The following AMZ2 variants were observed in gnomAD, a reference collection of about 807,000 sequenced individuals.
The protein encoded by AMZ2 is archaemetzincin-2.
AMZ2 carries 26 observed loss-of-function variants against 36.7 expected under a neutral mutation model. The observed-to-expected ratio is 0.71, with a 90% CI of 0.52 to 0.98. AMZ2 has a LOEUF of 0.98. AMZ2 is among the 50% of genes least tolerant of loss of function. The probability of loss-of-function intolerance (pLI) is 0.00; values close to 1 mark genes in which losing one functional copy is unlikely to be tolerated. For missense variants in AMZ2, 394 were observed against 430.5 expected (o/e 0.92, Z 0.75); for synonymous variants, 144 against 149.1 (o/e 0.97, Z 0.25).
chr17:68,215,160 ACTG>A (rs1305119514), intron 1 of AMZ2, among the ~76,000 whole-genome samples: 1 of 152,196 alleles, frequency 6.6e-6, no homozygotes, highest in East Asian at 1.9e-4. Flanking sequence ...TAACCCAGAA[ACTG>A]CTAAGAGAAA....
intron 1 of AMZ2, among the ~76,000 whole-genome samples, chr17:68,219,199 T>C (rs2073281021): frequency 6.6e-6 from 1 of 152,174 alleles, no homozygotes; most frequent in Non-Finnish European, 1.5e-5. Context: ...ACGCCTGACC[T>C]TGTAATCCGC....
chr17:68,246,422 G>C (rs535631704), upstream of AMZ2, among the ~76,000 whole-genome samples: 1 of 152,046 alleles, frequency 6.6e-6, no homozygotes, highest in African/African-American at 2.4e-5. Context: ...TACAAAAGAG[G>C]TCAAGTAGTT....
intron 1 of AMZ2, among the ~76,000 whole-genome samples, chr17:68,216,300 A>AT (rs1196873291): frequency 2.6e-5 from 4 of 151,728 alleles, no homozygotes; most frequent in African/African-American, 9.7e-5. Context: ...CGCCCAGCTG[A>AT]TTTTTTTATT....
At chr17:68,229,912 T>C (rs1263496636) in intron 1 of AMZ2, among the ~76,000 whole-genome samples, 1 of 152,176 alleles carries the variant, frequency 6.6e-6, no homozygotes, top group African/African-American at 2.4e-5. Context: ...CCTCTCACTC[T>C]CCACGTGGCC....
intron 1 of AMZ2, among the ~76,000 whole-genome samples, chr17:68,216,062 T>G (rs1316269444): frequency 1.3e-5 from 2 of 152,202 alleles, no homozygotes; most frequent in Non-Finnish European, 2.9e-5. Flanking sequence ...GTCCTAAGCA[T>G]TTTATGTATT....
chr17:68,232,663 C>T (rs1231537164), intron 1 of AMZ2, among the ~76,000 whole-genome samples: 2 of 151,644 alleles, frequency 1.3e-5, no homozygotes, highest in African/African-American at 4.8e-5. Context: ...GCCAACATGG[C>T]GAAACCCCAT....
chr17:68,238,628 ACT>A (rs1187007778), intron 1 of AMZ2, among the ~76,000 whole-genome samples: 1 of 151,820 alleles, frequency 6.6e-6, no homozygotes, highest in East Asian at 1.9e-4. Context: ...GCTTTTGGAA[ACT>A]CTCTGAGGCA....
At chr17:68,255,000 T>A (rs1555741988) in intron 5 of AMZ2, among the ~76,000 whole-genome samples, 1 of 152,188 alleles carries the variant, frequency 6.6e-6, no homozygotes, top group Non-Finnish European at 1.5e-5. Flanking sequence ...GTTCCTGATA[T>A]CCCCAACTCG....
intron 1 of AMZ2, among the ~76,000 whole-genome samples, chr17:68,223,134 T>C (rs2073411779): frequency 6.6e-6 from 1 of 152,228 alleles, no homozygotes; most frequent in Non-Finnish European, 1.5e-5. Flanking sequence ...TCCGTTATTC[T>C]AAGGTGTTCA....
At chr17:68,207,390 GCAA>G (rs1334790148) in intron 1 of AMZ2, 1 of 144,466 alleles carries the variant, frequency 6.9e-6, no homozygotes, top group Admixed American at 7.2e-5. Flanking sequence ...CGTAACCGAA[GCAA>G]CAACCGGCAA....
intron 1 of AMZ2, among the ~76,000 whole-genome samples, chr17:68,215,106 T>G (rs2144506562): frequency 6.6e-6 from 1 of 152,284 alleles, no homozygotes; most frequent in Non-Finnish European, 1.5e-5. Context: ...TTTAGTATGG[T>G]TTTAAGAAGG....
Position 68,254,349 on chromosome 17 carries a change from GTCT to G in AMZ2, c.587-53_587-51del. The G allele has an allele frequency of 3.9e-6, 6 of 1,541,174 alleles. No homozygotes were observed. In the South Asian group the frequency reaches 6.2e-5, roughly 16 times the overall value. On this transcript the variant is annotated intron_variant, in intron 4 of 6. Transcript: ENST00000359904. The stretch of plus-strand genomic sequence containing the variant: ...GGGCCAGCAGTCTCTTCTTTCTTTG[GTCT>G]TTCTTCAGGGACCTTACTCTCATTC...
intron 1 of AMZ2, among the ~76,000 whole-genome samples, chr17:68,233,390 T>C (rs1293636163): frequency 6.6e-6 from 1 of 151,362 alleles, no homozygotes; most frequent in Non-Finnish European, 1.5e-5. Context: ...GCATTTGTAA[T>C]CCCAGCTACT....
chr17:68,252,292 T>C (rs1599424351), intron 4 of AMZ2, among the ~76,000 whole-genome samples: 1 of 152,322 alleles, frequency 6.6e-6, no homozygotes, highest in Non-Finnish European at 1.5e-5. Flanking sequence ...GCTGTAGGGT[T>C]ATAGAGCCTC....
chr17:68,255,946 A>G, intron 6 of AMZ2, 70 bp downstream of exon 6: 2 of 1,482,786 alleles, frequency 1.3e-6, no homozygotes, highest in Non-Finnish European at 1.8e-6. Flanking sequence ...TGTTTCTATT[A>G]TATCCTTCTC....
At chr17:68,207,150 G>C (rs1292809675) in intron 1 of AMZ2, 1 of 152,198 alleles carries the variant, frequency 6.6e-6, no homozygotes, top group Admixed American at 6.5e-5. Context: ...AAGTCACACA[G>C]CATCATTATC....
At chr17:68,255,934 C>T (rs148756044) in intron 6 of AMZ2, 58 bp downstream of exon 6, 2 of 1,547,196 alleles carry the variant, frequency 1.3e-6, no homozygotes, top group East Asian at 2.3e-5. Flanking sequence ...GTAGCAAACC[C>T]ATGTTTCTAT....
chr17:68,212,066 A>C (rs1463232242), intron 1 of AMZ2, among the ~76,000 whole-genome samples: 1 of 151,724 alleles, frequency 6.6e-6, no homozygotes, highest in East Asian at 1.9e-4. Flanking sequence ...TTTTCTTTTG[A>C]TTTTAAAACT....
upstream of AMZ2, among the ~76,000 whole-genome samples, chr17:68,242,996 A>C (rs537625311): frequency 2.0e-5 from 3 of 150,762 alleles, no homozygotes; most frequent in East Asian, 5.9e-4. Context: ...GTGAGCCGTG[A>C]TCACACTACT....
Sources: gnomAD v4.1 joint callset for allele counts (sites outside exome capture counted in the v4.1 genomes callset) on GRCh38, gnomAD v4.1.1 for gene constraint, MANE v1.5 for transcripts, NCBI Gene and HGNC (gene_info 2026-07-23, HGNC 2026-07-21) for gene names.